Variants in POLR2B observed in about 807,000 individuals in gnomAD.
POLR2B encodes RNA polymerase II subunit B.
In POLR2B, 57 loss-of-function variants were observed where a neutral mutation model predicts 144.6. That is an observed-to-expected ratio of 0.39 (90% CI 0.32 to 0.49). The LOEUF is 0.49. POLR2B is among the 20% of genes least tolerant of loss of function. The pLI is 0.83. For missense variants in POLR2B, 595 were observed against 1,467.4 expected (o/e 0.41, Z 9.71); for synonymous variants, 442 against 469.8 (o/e 0.94, Z 0.77).
Position 57,017,828 on chromosome 4 carries a change from T to C in POLR2B, c.2323+100T>C, listed in dbSNP as rs1723418946. On this transcript the variant is annotated intron_variant, in intron 16 of 24. Coordinates refer to ENST00000314595, the MANE Select transcript of POLR2B (RefSeq NM_000938.3). This position sits in a 1 kb window ranked among gnomAD's most constrained non-coding sequence, Gnocchi z 4.8. The stretch of plus-strand genomic sequence containing the variant: ...TAAAAAATAAATATGACATAGTGCC[T>C]GTTCTCACGGAATTTATAATATGGT... 1.4e-6 allele frequency: 1 copy of C among 703,240 alleles called. No individual in the cohort carries two copies. The highest frequency in any genetic ancestry group is 3.3e-5 in the Admixed American group (1 of 30,372). 43.6% of individuals were successfully genotyped at this position (703,240 alleles called of 1,614,324 possible).
intron 1 of POLR2B, 120 bp from the exon 2 acceptor site, chr4:56,986,234 G>A (rs749803038): frequency 2.4e-4 from 182 of 765,172 alleles, no homozygotes; most frequent in Non-Finnish European, 2.3e-4. Flanking sequence ...GAAAAGTGGG[G>A]TGAAAGCATT....
Position 57,017,415 on chromosome 4 carries a change from T to C in POLR2B, c.2155-145T>C. 1 of 785,796 alleles carries C rather than the reference T, an allele frequency of 1.3e-6. No homozygotes were observed. The highest frequency in any genetic ancestry group is 2.0e-6 in the Non-Finnish European group (1 of 489,922). 48.7% of individuals were successfully genotyped at this position (785,796 alleles called of 1,614,324 possible). ...TGTGTTTCATGGTTAAGAGCCGTAA[T>C]TGATTATTCCAAATGGTTATTACTT... On this transcript the variant is annotated intron_variant, in intron 15 of 24. Transcript: ENST00000314595. This position sits in a 1 kb window ranked among gnomAD's most constrained non-coding sequence, Gnocchi z 4.8.
At chr4:57,013,479 G>A (rs1387067506) in intron 13 of POLR2B, among the ~76,000 whole-genome samples, 5 of 152,300 alleles carry the variant, frequency 3.3e-5, no homozygotes, top group African/African-American at 1.2e-4. Context: ...CTGGGCTCAA[G>A]CAGTCCTTCC....
rs1288646236 is a variant in POLR2B, at chr4:57,030,880, A to C, written c.3436-19A>C. 6.0e-6 allele frequency: 9 copies of C among 1,494,732 alleles called. No homozygotes were observed. The highest frequency in any genetic ancestry group is 1.4e-5 in the African/African-American group (1 of 72,756). 92.6% of individuals were successfully genotyped at this position (1,494,732 alleles called of 1,614,324 possible). A position where few individuals can be genotyped will look rare whatever the true frequency, so the allele number is the denominator to read the frequency against. ...CTTCAATACAATTCTGCTAATTACC[A>C]TTTGTTTTTTCTTTTCAGATTTCTT... On this transcript the variant is annotated intron_variant, in intron 24 of 24. Coordinates refer to ENST00000314595, the MANE Select transcript of POLR2B (RefSeq NM_000938.3).
intron 7 of POLR2B, 121 bp from the exon 8 acceptor site, chr4:57,005,125 T>TA (rs1722976569): frequency 1.9e-6 from 1 of 520,908 alleles, no homozygotes; most frequent in Non-Finnish European, 3.3e-6. Context: ...TTTCTAAAAA[T>TA]ACTCACATAT....
chr4:56,995,795 C>G (rs1320099308), intron 6 of POLR2B, among the ~76,000 whole-genome samples: 1 of 152,212 alleles, frequency 6.6e-6, no homozygotes, highest in African/African-American at 2.4e-5. Flanking sequence ...TGTTCCTTGC[C>G]ATGTGGGCCT....
intron 6 of POLR2B, among the ~76,000 whole-genome samples, chr4:56,996,998 C>T (rs1578566638): frequency 6.6e-6 from 1 of 152,088 alleles, no homozygotes; most frequent in African/African-American, 2.4e-5. Context: ...ACTCGGGAAG[C>T]TGAGGTGGGA....
chr4:56,986,209 G>A (rs1051503249), intron 1 of POLR2B, 145 bp from the exon 2 acceptor site: 7 of 731,712 alleles, frequency 9.6e-6, no homozygotes, highest in African/African-American at 8.7e-5. Flanking sequence ...TTTTATTAAT[G>A]TAATTGAAAT....
Position 56,994,424 on chromosome 4 carries a change from T to G in POLR2B, c.264T>G (p.Phe88Leu). The G allele has an allele frequency of 6.3e-7, 1 of 1,597,186 alleles. No homozygotes were observed. ...TTCAGCCACGATATTTGCTGAAGTT[T>G]GAACAAATTTATCTTTCCAAGCCTA... ...VEEPPRYLLKFEQIYLSKPTH... is the reference protein window; with the variant it reads ...VEEPPRYLLKLEQIYLSKPTH... Residue 88 changes from phenylalanine to leucine, a missense_variant, in exon 4 of 25, where the codon TTT (phenylalanine) becomes TTG (leucine). This residue lies in a region of POLR2B where 251 missense variants were observed against 567.3 expected (regional missense o/e 0.44). Coordinates refer to ENST00000314595, the MANE Select transcript of POLR2B (RefSeq NM_000938.3).
At chr4:57,021,752 G>A (rs558724545) in intron 17 of POLR2B, among the ~76,000 whole-genome samples, 3 of 152,024 alleles carry the variant, frequency 2.0e-5, no homozygotes, top group South Asian at 2.1e-4. Context: ...CACCCATCTC[G>A]GCTTCCCAAA....
intron 8 of POLR2B, 60 bp downstream of exon 8, chr4:57,005,502 T>C (rs1303685038): frequency 8.0e-6 from 12 of 1,490,834 alleles, no homozygotes; most frequent in Non-Finnish European, 1.1e-5. Flanking sequence ...TAAAGGTTTT[T>C]CTTAGAGTCA....
chr4:57,023,983 CT>C lies in POLR2B; in HGVS notation c.2857-18del, dbSNP rs1425181672. The C allele has an allele frequency of 1.5e-6, 2 of 1,376,948 alleles. No homozygotes were observed. Among genetic ancestry groups the C allele is most frequent in the Non-Finnish European group, 2.0e-6 (2 of 995,158 alleles). 85.3% of individuals were successfully genotyped at this position (1,376,948 alleles called of 1,614,324 possible). A position where few individuals can be genotyped will look rare whatever the true frequency, so the allele number is the denominator to read the frequency against. On this transcript the variant is annotated intron_variant, in intron 20 of 24. Coordinates refer to ENST00000314595, the MANE Select transcript of POLR2B (RefSeq NM_000938.3). This position sits in a 1 kb window ranked among gnomAD's most constrained non-coding sequence, Gnocchi z 4.3. ...GTTTAGTATATGTATCTTTGAGTCC[CT>C]TTTAAAATTTTTCTTTGTAGGATAT...
intron 22 of POLR2B, 30 bp downstream of exon 22, chr4:57,025,029 C>A: frequency 8.9e-7 from 1 of 1,128,432 alleles, no homozygotes; most frequent in Middle Eastern, 2.0e-4. Flanking sequence ...AGTAATTTGC[C>A]ACTTGTTTTT....
chr4:57,012,794 A>G (rs1440917736), intron 13 of POLR2B, among the ~76,000 whole-genome samples: 1 of 152,132 alleles, frequency 6.6e-6, no homozygotes. Flanking sequence ...CCTCCTGAGT[A>G]GCTGGGATTA....
intron 7 of POLR2B, among the ~76,000 whole-genome samples, chr4:57,004,257 G>A (rs1319889906): frequency 2.0e-5 from 3 of 151,430 alleles, no homozygotes; most frequent in African/African-American, 4.8e-5. Flanking sequence ...CACTACGTTG[G>A]CCAGGCTGGC....
intron 6 of POLR2B, among the ~76,000 whole-genome samples, chr4:56,999,215 T>C (rs1156410844): frequency 1.4e-3 from 84 of 59,442 alleles, no homozygotes; most frequent in Admixed American, 6.0e-3. Flanking sequence ...ATTGTCTCTT[T>C]TTTTTTTTTT....
intron 12 of POLR2B, 50 bp from the exon 13 acceptor site, chr4:57,010,939 G>T: frequency 6.3e-7 from 1 of 1,590,644 alleles, no homozygotes; most frequent in Non-Finnish European, 8.6e-7. Context: ...TTTAGTTGTT[G>T]CTTAGTATAG....
rs373701958 is a variant in POLR2B at position 57,023,193 on chromosome 4, T to C, written c.2516-137T>C. 194 of 744,982 alleles carry C rather than the reference T, an allele frequency of 2.6e-4. 1 individual carries two copies. The South Asian group carries it at 2.8e-3, about 11-fold the overall frequency. 46.1% of individuals were successfully genotyped at this position (744,982 alleles called of 1,614,324 possible). A position where few individuals can be genotyped will look rare whatever the true frequency, so the allele number is the denominator to read the frequency against. Reference sequence around the variant, plus strand: ...TGTAGTATTAGAGTTCAGAATAGTTTGTAATATTTGGAATAAGGGTGTGAT... The same window carrying C: ...TGTAGTATTAGAGTTCAGAATAGTTCGTAATATTTGGAATAAGGGTGTGAT... On this transcript the variant is annotated intron_variant, in intron 18 of 24. Transcript: ENST00000314595. This position sits in a 1 kb window ranked among gnomAD's most constrained non-coding sequence, Gnocchi z 4.3.
intron 13 of POLR2B, 81 bp downstream of exon 13, chr4:57,011,181 G>A (rs1723176488): frequency 3.5e-6 from 3 of 864,820 alleles, no homozygotes; most frequent in Non-Finnish European, 3.9e-6. Flanking sequence ...TCTTTGCATT[G>A]GCATCTTTTC....
Sources: gnomAD v4.1 joint callset for allele counts (sites outside exome capture counted in the v4.1 genomes callset) on GRCh38, gnomAD v4.1.1 for gene constraint, gnomAD v4.1.1 regional missense constraint, Gnocchi (gnomAD v3.1) non-coding constraint, MANE v1.5 for transcripts, NCBI Gene and HGNC (gene_info 2026-07-23, HGNC 2026-07-21) for gene names.